Variants in GID4 observed in about 807,000 individuals in gnomAD.
GID4 encodes the protein glucose-induced degradation protein 4 homolog.
GID4 carries 7 observed loss-of-function variants against 32.4 expected under a neutral mutation model. The ratio of observed to expected loss-of-function variants is 0.22; its 90% CI spans 0.12 to 0.41. GID4 has a LOEUF of 0.41. GID4 is among the 10% of genes least tolerant of loss of function. GID4 has a pLI of 1.00. For missense variants in GID4, 309 were observed against 400.0 expected, an observed-to-expected ratio of 0.77 and a Z score of 1.94; for synonymous variants, 166 against 170.0, an observed-to-expected ratio of 0.98 and a Z score of 0.18.
Position 18,065,830 on chromosome 17 carries a change from C to A in GID4, c.*587C>A, listed in dbSNP as rs888248009. On this transcript the variant is annotated 3_prime_UTR_variant, in exon 6 of 6. Coordinates refer to ENST00000268719, the MANE Select transcript of GID4 (RefSeq NM_024052.5). Reference sequence around the variant, plus strand: ...CAGTGCTGATTGTGTCACGGGTCAGCGTGCGCTGCTGAGCCCTGTACTGTT... The same window carrying A: ...CAGTGCTGATTGTGTCACGGGTCAGAGTGCGCTGCTGAGCCCTGTACTGTT... 5.9e-6 allele frequency: 1 copy of A among 168,252 alleles called. No homozygotes were observed. The highest frequency in any genetic ancestry group is 5.7e-5 in the Admixed American group (1 of 17,562). 10.4% of individuals were successfully genotyped at this position (168,252 alleles called of 1,614,324 possible).
Position 18,066,160 on chromosome 17 carries a change from T to C in GID4, c.*917T>C, listed in dbSNP as rs980881035. 5 of 148,806 alleles carry C rather than the reference T, an allele frequency of 3.4e-5. No individual in the cohort carries two copies. Among genetic ancestry groups the C allele is most frequent in the African/African-American group, 9.7e-5 (4 of 41,248 alleles). 9.2% of individuals were successfully genotyped at this position (148,806 alleles called of 1,614,324 possible). ...TGACTTAGTAATTTTTATATCGATA[T>C]CTATATGTATATGTATATTTAATCA... On this transcript the variant is annotated 3_prime_UTR_variant, in exon 6 of 6. Coordinates refer to ENST00000268719, the MANE Select transcript of GID4 (RefSeq NM_024052.5).
In GID4 at chr17:18,045,075, G is replaced by A. The variant is rs151005695; in HGVS notation, c.439-72G>A. ...CCACCAGTCTGGCCTCACAGGATTT[G>A]CAGAGTACCCTCCTGCATGTCCCCT... On this transcript the variant is annotated intron_variant, in intron 1 of 5. Coordinates refer to ENST00000268719, the MANE Select transcript of GID4 (RefSeq NM_024052.5). 1.9e-4 allele frequency: 236 copies of A among 1,219,282 alleles called. 3 individuals carry two copies. In the East Asian group the frequency reaches 5.3e-3, roughly 27 times the overall value. 75.5% of individuals were successfully genotyped at this position (1,219,282 alleles called of 1,614,324 possible). A position where few individuals can be genotyped will look rare whatever the true frequency, so the allele number is the denominator to read the frequency against.
rs1430499070 is a variant in GID4 at position 18,065,428 on chromosome 17, G to T, written c.*185G>T. On this transcript the variant is annotated 3_prime_UTR_variant, in exon 6 of 6. Coordinates refer to ENST00000268719, the MANE Select transcript of GID4 (RefSeq NM_024052.5). The stretch of plus-strand genomic sequence containing the variant: ...GCATGGCTGGCCCGTGGGGCAGGTG[G>T]AGGGAGCAGTCTTCGTTCTTCCTCC... The T allele has an allele frequency of 4.9e-6, 3 of 613,746 alleles. No individual in the cohort carries two copies. The highest frequency in any genetic ancestry group is 8.8e-6 in the Non-Finnish European group (3 of 341,488). The allele number at this position is 613,746 out of a possible 1,614,324, so 38.0% of individuals were successfully genotyped here.
At chr17:18,043,218 G>A (rs1417242597) in intron 1 of GID4, among the ~76,000 whole-genome samples, 1 of 152,216 alleles carries the variant, frequency 6.6e-6, no homozygotes, top group African/African-American at 2.4e-5. Context: ...GCGTTGTGGT[G>A]TATTTGAGTT....
At chr17:18,045,820 G>A (rs185959576) in intron 2 of GID4, among the ~76,000 whole-genome samples, 408 of 150,346 alleles carry the variant, frequency 2.7e-3, no homozygotes, top group African/African-American at 9.8e-3. Flanking sequence ...ACTTGAACCA[G>A]AGAGGCAGAG....
At chr17:18,051,133 C>T (rs2044905557) in intron 2 of GID4, among the ~76,000 whole-genome samples, 1 of 151,990 alleles carries the variant, frequency 6.6e-6, no homozygotes, top group Non-Finnish European at 1.5e-5. Flanking sequence ...TGATTTAAAC[C>T]ATAAGTGTTT....
In GID4 at chr17:18,043,436, A is replaced by G. The variant is rs1206956673; in HGVS notation, c.439-1711A>G. Among the ~76,000 whole-genome samples the G allele has an allele frequency of 2.0e-5, 3 of 152,246 alleles. No homozygotes were observed. In the East Asian group the frequency reaches 5.8e-4, roughly 29 times the overall value. ...GAAACTCCAAACTATATTGAATTCA[A>G]TGAGAATTGCATACATGAAATTTAA... is the stretch of plus-strand genomic sequence containing the variant. On this transcript the variant is annotated intron_variant, in intron 1 of 5. Coordinates refer to ENST00000268719, the MANE Select transcript of GID4 (RefSeq NM_024052.5).
At chr17:18,054,942 C>T (rs543793525) in intron 3 of GID4, among the ~76,000 whole-genome samples, 308 of 152,164 alleles carry the variant, frequency 2.0e-3, no homozygotes, top group Non-Finnish European at 3.4e-3. Flanking sequence ...GAGGCCGAGG[C>T]GGGCGGATCA....
intron 5 of GID4, 142 bp downstream of exon 5, chr17:18,062,117 A>G (rs2142153904): frequency 1.3e-6 from 1 of 752,458 alleles, no homozygotes; most frequent in Non-Finnish European, 2.2e-6. Flanking sequence ...AGCTTATTTC[A>G]GTGATCTCAG....
Position 18,039,963 on chromosome 17 carries a change from G to A in GID4, c.438+61G>A, listed in dbSNP as rs553431769. 134 of 1,288,152 alleles carry A rather than the reference G, an allele frequency of 1.0e-4. 1 individual carries two copies. The South Asian group carries it at 3.0e-3, about 29-fold the overall frequency. 79.8% of individuals were successfully genotyped at this position (1,288,152 alleles called of 1,614,324 possible). A position where few individuals can be genotyped will look rare whatever the true frequency, so the allele number is the denominator to read the frequency against. Reference sequence around the variant, plus strand: ...CTCGCGGCGCTCACGGGCCGTGCCCGCTTCGGCTCCTCGACCCCGCAGCCG... The same window carrying A: ...CTCGCGGCGCTCACGGGCCGTGCCCACTTCGGCTCCTCGACCCCGCAGCCG... On this transcript the variant is annotated intron_variant, in intron 1 of 5. Coordinates refer to ENST00000268719, the MANE Select transcript of GID4 (RefSeq NM_024052.5). The surrounding 1 kb of genome is among the most constrained non-coding windows in gnomAD (Gnocchi z 5.3).
In GID4 at chr17:18,061,052, TTTAAAAGCCACA is replaced by T. The variant is rs1156855988; in HGVS notation, c.709-792_709-781del. On this transcript the variant is annotated intron_variant, in intron 4 of 5. Transcript: ENST00000268719. This position sits in a 1 kb window ranked among gnomAD's most constrained non-coding sequence, Gnocchi z 4.4. ...ACCCGATCTGAATTTTAAAATTAAT[TTTAAAAGCCACA>T]ATTTTAGAAGTTGAATAAGGAATGG... 6.6e-6 allele frequency among the ~76,000 whole-genome samples: 1 copy of T among 152,198 alleles called. No homozygotes were observed. Among genetic ancestry groups the T allele is most frequent in the Non-Finnish European group, 1.5e-5 (1 of 68,022 alleles).
chr17:18,056,540 A>C (rs1346442855), intron 3 of GID4, among the ~76,000 whole-genome samples: 1 of 152,254 alleles, frequency 6.6e-6, no homozygotes, highest in Admixed American at 6.5e-5. Context: ...TCTTCCTTGT[A>C]GTAAACCACA....
intron 1 of GID4, among the ~76,000 whole-genome samples, chr17:18,043,840 G>A (rs2044825704): frequency 6.6e-6 from 1 of 152,124 alleles, no homozygotes; most frequent in South Asian, 2.1e-4. Flanking sequence ...TGTACCACAG[G>A]TACCCTTGTA....
In GID4 at chr17:18,039,841, C is replaced by T; in HGVS notation, c.377C>T (p.Ser126Phe). The change falls in exon 1 of 6, where the codon TCC (serine) becomes TTC (phenylalanine). Residue 126 changes from serine to phenylalanine, a missense_variant. Ser to Phe is a radical substitution (Grantham distance 155, BLOSUM62 -2). Around this residue, in one of 2 missense-constraint regions of GID4, gnomAD observed 193 missense variants for 185.8 expected, o/e 1.04. Transcript: ENST00000268719. This position sits in a 1 kb window ranked among gnomAD's most constrained non-coding sequence, Gnocchi z 5.3. The part of the protein sequence containing the change: ...GVATSLLYSG[S>F]KFRGHQKSKG... ...GCCACCAGCCTGCTCTACAGCGGCT[C>T]CAAGTTCCGCGGCCACCAGAAGAGC... The T allele has an allele frequency of 6.4e-7, 1 of 1,551,508 alleles. No individual in the cohort carries two copies. Among genetic ancestry groups the T allele is most frequent in the Non-Finnish European group, 8.7e-7 (1 of 1,147,710 alleles).
chr17:18,063,575 T>C (rs960918681), intron 5 of GID4, among the ~76,000 whole-genome samples: 2 of 152,232 alleles, frequency 1.3e-5, no homozygotes, highest in Admixed American at 6.5e-5. Flanking sequence ...CTTTCTCTTA[T>C]GTATGTATAG....
intron 2 of GID4, among the ~76,000 whole-genome samples, chr17:18,053,557 C>T (rs1249363077): frequency 6.6e-6 from 1 of 152,030 alleles, no homozygotes; most frequent in East Asian, 1.9e-4. Context: ...GAGGAGGTTG[C>T]AGTGAACCGA....
rs1308176799 is a variant in GID4, at chr17:18,039,962, C to A, written c.438+60C>A. On this transcript the variant is annotated intron_variant, in intron 1 of 5. Coordinates refer to ENST00000268719, the MANE Select transcript of GID4 (RefSeq NM_024052.5). This position sits in a 1 kb window ranked among gnomAD's most constrained non-coding sequence, Gnocchi z 5.3. ...CCTCGCGGCGCTCACGGGCCGTGCC[C>A]GCTTCGGCTCCTCGACCCCGCAGCC... 1.6e-6 allele frequency: 2 copies of A among 1,288,716 alleles called. No individual in the cohort carries two copies. The highest frequency in any genetic ancestry group is 6.2e-5 in the East Asian group (2 of 32,210). The allele number at this position is 1,288,716 out of a possible 1,614,324, so 79.8% of individuals were successfully genotyped here. A position where few individuals can be genotyped will look rare whatever the true frequency, so the allele number is the denominator to read the frequency against.
intron 2 of GID4, among the ~76,000 whole-genome samples, chr17:18,045,961 G>A (rs1567584903): frequency 6.6e-6 from 1 of 152,056 alleles, no homozygotes; most frequent in Non-Finnish European, 1.5e-5. Flanking sequence ...TACCTGCTGT[G>A]CAGAGTATTT....
At chr17:18,043,042 C>A (rs541776345) in intron 1 of GID4, among the ~76,000 whole-genome samples, 1 of 152,286 alleles carries the variant, frequency 6.6e-6, no homozygotes, top group South Asian at 2.1e-4. Flanking sequence ...CCTCTTTCCT[C>A]CTCTGCCATC....
Sources: allele counts gnomAD v4.1 joint callset (sites outside exome capture counted in the v4.1 genomes callset), GRCh38; gene constraint gnomAD v4.1.1; regional missense constraint gnomAD v4.1.1; non-coding constraint Gnocchi (gnomAD v3.1); transcripts MANE v1.5; gene names NCBI Gene and HGNC (gene_info 2026-07-23, HGNC 2026-07-21).